The following NAALADL2 variants were observed in gnomAD, a reference collection of about 807,000 sequenced individuals.
NAALADL2 encodes inactive N-acetylated-alpha-linked acidic dipeptidase-like protein 2.
A neutral mutation model predicts 87.2 loss-of-function variants in NAALADL2; 76 were observed. The ratio of observed to expected loss-of-function variants is 0.87; its 90% CI spans 0.72 to 1.05. NAALADL2 has a LOEUF of 1.05. NAALADL2 is among the 50% of genes least tolerant of loss of function. NAALADL2 has a pLI of 0.00. For synonymous variants in NAALADL2, 354 were observed against 331.0 expected (o/e 1.07, Z -0.75); for missense variants, 1,089 against 945.8 (o/e 1.15, Z -1.99).
chr3:174,668,398 T>G (rs1726179649), intron 2 of NAALADL2, among the ~76,000 whole-genome samples: 1 of 149,318 alleles, frequency 6.7e-6, no homozygotes, highest in Admixed American at 6.8e-5. Flanking sequence ...TTCTATGTTT[T>G]CCTCTGGGAG....
chr3:174,537,359 T>C (rs183040317), intron 1 of NAALADL2, among the ~76,000 whole-genome samples: 1 of 152,324 alleles, frequency 6.6e-6, no homozygotes, highest in East Asian at 1.9e-4. Context: ...TGCTATCATT[T>C]GTGATTATTT....
At chr3:174,703,536 G>A (rs765077974) in intron 2 of NAALADL2, among the ~76,000 whole-genome samples, 3 of 152,168 alleles carry the variant, frequency 2.0e-5, no homozygotes, top group South Asian at 2.1e-4. Context: ...TAAGTGGGTC[G>A]TCATCTTATT....
chr3:175,283,103 G>A (rs952841157), intron 4 of NAALADL2, among the ~76,000 whole-genome samples: 2 of 151,708 alleles, frequency 1.3e-5, no homozygotes, highest in Non-Finnish European at 2.9e-5. Context: ...TAAGGGAAAT[G>A]GTCTCAAATT....
chr3:175,701,279 G>T (rs1325981340), intron 11 of NAALADL2, among the ~76,000 whole-genome samples: 1 of 152,080 alleles, frequency 6.6e-6, no homozygotes, highest in Non-Finnish European at 1.5e-5. Context: ...TGTGTAGAAA[G>T]TGGGGGTGAA....
intron 1 of NAALADL2, among the ~76,000 whole-genome samples, chr3:174,872,167 A>G (rs962704685): frequency 1.3e-5 from 2 of 152,196 alleles, no homozygotes; most frequent in South Asian, 2.1e-4. Context: ...GATTAAGCGC[A>G]TATTCTAACA....
At chr3:175,681,628 T>C (rs973162888) in intron 11 of NAALADL2, among the ~76,000 whole-genome samples, 1 of 152,220 alleles carries the variant, frequency 6.6e-6, no homozygotes, top group African/African-American at 2.4e-5. Context: ...TCAAAATGGC[T>C]GTTTTGATTC....
intron 2 of NAALADL2, among the ~76,000 whole-genome samples, chr3:174,709,038 T>G (rs1281665368): frequency 6.6e-6 from 1 of 152,158 alleles, no homozygotes; most frequent in Non-Finnish European, 1.5e-5. Flanking sequence ...CCAAACAAAA[T>G]TCAGGCATTC....
intron 9 of NAALADL2, among the ~76,000 whole-genome samples, chr3:175,515,125 A>T (rs1379734892): frequency 1.3e-5 from 2 of 152,224 alleles, no homozygotes; most frequent in Non-Finnish European, 2.9e-5. Context: ...ATGGTGTTTG[A>T]TCAATTTTCT....
At chr3:174,986,253 T>TATATATACACAATATATATATATAAA (rs1188637237) in intron 1 of NAALADL2, among the ~76,000 whole-genome samples, 10 of 144,592 alleles carry the variant, frequency 6.9e-5, no homozygotes, top group Non-Finnish European at 1.3e-4. Context: ...ATATATTCAA[T>TATATATACACAATATATATATATAAA]ATATATACAC....
At chr3:175,042,806 A>T (rs958833396) in intron 1 of NAALADL2, among the ~76,000 whole-genome samples, 1 of 152,114 alleles carries the variant, frequency 6.6e-6, no homozygotes, top group Non-Finnish European at 1.5e-5. Flanking sequence ...TTGAAATGTG[A>T]TACCCAGTGT....
At chr3:175,138,380 G>A (rs895418038) in intron 2 of NAALADL2, among the ~76,000 whole-genome samples, 3 of 152,034 alleles carry the variant, frequency 2.0e-5, no homozygotes, top group Admixed American at 1.3e-4. Flanking sequence ...GTATGCTGAC[G>A]TTCACGTTTT....
At chr3:175,579,888 CAGA>C (rs1405315181) in intron 10 of NAALADL2, among the ~76,000 whole-genome samples, 4 of 152,098 alleles carry the variant, frequency 2.6e-5, no homozygotes, top group Non-Finnish European at 1.5e-5. Context: ...CTTAGTATAT[CAGA>C]AGATCAATCC....
chr3:175,019,277 G>A (rs1751258268), intron 1 of NAALADL2, among the ~76,000 whole-genome samples: 1 of 151,974 alleles, frequency 6.6e-6, no homozygotes, highest in Admixed American at 6.6e-5. Context: ...TACCTGGTAA[G>A]CCCCTCAATG....
chr3:175,115,882 C>T (rs540547599), intron 2 of NAALADL2, among the ~76,000 whole-genome samples: 8 of 151,994 alleles, frequency 5.3e-5, no homozygotes, highest in African/African-American at 1.7e-4. Flanking sequence ...AAAAGCTTAT[C>T]CACCACAATC....
intron 9 of NAALADL2, among the ~76,000 whole-genome samples, chr3:175,532,251 C>T (rs1734186874): frequency 6.6e-6 from 1 of 152,190 alleles, no homozygotes. Context: ...GAATCAACAT[C>T]AGCTCAGAGC....
intron 6 of NAALADL2, among the ~76,000 whole-genome samples, chr3:175,452,052 A>T (rs1721655253): frequency 6.6e-6 from 1 of 152,158 alleles, no homozygotes; most frequent in Non-Finnish European, 1.5e-5. Flanking sequence ...TTATTGGCAA[A>T]TGGTGCCTTT....
At chr3:175,295,586 A>G (rs998666812) in intron 4 of NAALADL2, among the ~76,000 whole-genome samples, 1 of 152,086 alleles carries the variant, frequency 6.6e-6, no homozygotes, top group Non-Finnish European at 1.5e-5. Context: ...CTGTTTCACA[A>G]GTCCAGCTTT....
intron 3 of NAALADL2, among the ~76,000 whole-genome samples, chr3:174,805,259 A>T (rs558825550): frequency 6.6e-6 from 1 of 152,256 alleles, no homozygotes; most frequent in East Asian, 1.9e-4. Flanking sequence ...TAAAAGAATG[A>T]CATGTATTTA....
At chr3:174,640,596 C>T (rs535093503) in intron 2 of NAALADL2, among the ~76,000 whole-genome samples, 21 of 152,300 alleles carry the variant, frequency 1.4e-4, no homozygotes, top group African/African-American at 4.6e-4. Context: ...AAGGTACTTG[C>T]CCCAGGGCTG....
Sources: gnomAD v4.1 joint callset for allele counts (sites outside exome capture counted in the v4.1 genomes callset) on GRCh38, gnomAD v4.1.1 for gene constraint, MANE v1.5 for transcripts, NCBI Gene and HGNC (gene_info 2026-07-23, HGNC 2026-07-21) for gene names.